DCST2: variants seen among roughly 807,000 people sequenced by gnomAD.
The protein encoded by DCST2 is DC-STAMP domain containing 2.
DCST2 carries 64 observed loss-of-function variants against 81.8 expected under a neutral mutation model. That is an observed-to-expected ratio of 0.78 (90% CI 0.64 to 0.96). The LOEUF (loss-of-function observed/expected upper bound fraction) is 0.96. Among genes scored for constraint, DCST2 ranks in the 40% least tolerant of loss-of-function variants. DCST2 has a pLI of 0.00. For synonymous variants in DCST2, 354 were observed against 402.6 expected (o/e 0.88, Z 1.44); for missense variants, 945 against 1,001.4 (o/e 0.94, Z 0.76).
At chr1:155,027,330 CCGAG>C (rs1659942967) in intron 8 of DCST2, among the ~76,000 whole-genome samples, 2 of 141,848 alleles carry the variant, frequency 1.4e-5, no homozygotes, top group South Asian at 5.1e-4. Flanking sequence ...GTGTGAGCCA[CCGAG>C]TAAGACCCCC....
At chr1:155,031,373 C>T (rs1660071454) in intron 4 of DCST2, 139 bp from the exon 5 acceptor site, 1 of 1,047,008 alleles carries the variant, frequency 9.6e-7, no homozygotes, top group African/African-American at 1.6e-5. Context: ...TGTAGCACCT[C>T]CCTGTCGCCC....
At position 155,023,190 on chromosome 1, in the gene DCST2, C is replaced by A. The variant is rs1400920992; in HGVS notation, c.2032G>T (p.Ala678Ser). 4 of 1,614,154 alleles carry A rather than the reference C, an allele frequency of 2.5e-6. No homozygotes were observed. Among genetic ancestry groups the A allele is most frequent in the Non-Finnish European group, 3.4e-6 (4 of 1,180,040 alleles). ...TGGAGCTGTTGCTGCAATAACCATG[C>A]CTGCTCAGGGTCCTTCCTTTGAGCT... Reference protein sequence around the residue: ...AAAQRKDPEQAWLLQQQLQEV... With the variant: ...AAAQRKDPEQSWLLQQQLQEV... The change falls in exon 14 of 15, where the codon GCA (alanine) becomes TCA (serine). Residue 678 changes from alanine to serine, a missense_variant. Transcript: ENST00000368424.
chr1:155,023,777 T>C (rs1659819328), intron 12 of DCST2, 55 bp downstream of exon 12: 3 of 1,608,346 alleles, frequency 1.9e-6, no homozygotes, highest in Admixed American at 3.4e-5. Context: ...TGGATTGTCA[T>C]ATGCAAGTGG....
rs1204629983 is a variant in DCST2, at chr1:155,026,358, A to G, written c.1555T>C (p.Tyr519His). ...LCFFITLFGS[Y>H]VSRLRRVICA... ...ATGACTCGCCGCAGCCGGCTGACATAGCTGCCAAACAGGGTGATGAAGAAG... is the reference window on the plus strand; with the variant it reads ...ATGACTCGCCGCAGCCGGCTGACATGGCTGCCAAACAGGGTGATGAAGAAG... Residue 519 changes from tyrosine to histidine, a missense_variant, in exon 10 of 15, where the codon TAT becomes CAT. Tyr to His is a moderately conservative substitution (Grantham distance 83, BLOSUM62 2). Coordinates refer to ENST00000368424, the MANE Select transcript of DCST2 (RefSeq NM_144622.3). 6.2e-7 allele frequency: 1 copy of G among 1,613,878 alleles called. No homozygotes were observed. The highest frequency in any genetic ancestry group is 1.7e-5 in the Admixed American group (1 of 60,026).
chr1:155,031,451 T>G, intron 4 of DCST2, 123 bp downstream of exon 4: 1 of 707,942 alleles, frequency 1.4e-6, no homozygotes, highest in Non-Finnish European at 2.2e-6. Flanking sequence ...ACCAAGCTTA[T>G]TGGTTCCTCT....
At chr1:155,032,629 A>ATT in intron 3 of DCST2, 38 bp downstream of exon 3, 12 of 1,593,860 alleles carry the variant, frequency 7.5e-6, no homozygotes, top group Non-Finnish European at 1.0e-5. Context: ...GACTGGGTGC[A>ATT]TTTTGAGTCC....
At position 155,033,535 on chromosome 1, in the gene DCST2, A is replaced by C; in HGVS notation, c.167T>G (p.Leu56Arg). 1 of 1,614,004 alleles carries C rather than the reference A, an allele frequency of 6.2e-7. No individual in the cohort carries two copies. Among genetic ancestry groups the C allele is most frequent in the Non-Finnish European group, 8.5e-7 (1 of 1,179,924 alleles). The stretch of plus-strand genomic sequence containing the variant: ...GGCAGCCAAAGTGAGGGTGCCCACC[A>C]GGCAACCCCAGGGGCTGTGGCCTTC... Reference protein sequence around the residue: ...LVEGHSPWGCLVGTLTLAAFL... With the variant: ...LVEGHSPWGCRVGTLTLAAFL... Residue 56 changes from leucine to arginine, a missense_variant, in exon 1 of 15, where the codon CTG (leucine) becomes CGG (arginine). By Grantham distance (102) the Leu-to-Arg change is moderately radical. Transcript: ENST00000368424.
intron 6 of DCST2, 22 bp from the exon 7 acceptor site, chr1:155,030,263 C>A: frequency 6.2e-7 from 1 of 1,613,834 alleles, no homozygotes; most frequent in East Asian, 2.2e-5. Flanking sequence ...AGGTGGAGCA[C>A]ATGTGAGGCC....
chr1:155,019,376 A>C (rs550595712), intron 14 of DCST2, among the ~76,000 whole-genome samples: 31 of 152,282 alleles, frequency 2.0e-4, no homozygotes, highest in Non-Finnish European at 4.0e-4. Flanking sequence ...ATGGTCCTGC[A>C]ACCTCGTCGC....
At chr1:155,021,424 A>G (rs964754581) in intron 14 of DCST2, among the ~76,000 whole-genome samples, 8 of 145,648 alleles carry the variant, frequency 5.5e-5, no homozygotes, top group African/African-American at 2.0e-4. Context: ...GGTGTGAGCC[A>G]CTGTGCCCAT....
chr1:155,020,153 G>A (rs1484645624), intron 14 of DCST2, among the ~76,000 whole-genome samples: 1 of 152,156 alleles, frequency 6.6e-6, no homozygotes. Context: ...CTTTTACACT[G>A]CCTAAATGCT....
At chr1:155,029,203 G>A (rs1659997318) in intron 8 of DCST2, 30 bp downstream of exon 8, 3 of 1,609,296 alleles carry the variant, frequency 1.9e-6, no homozygotes, top group African/African-American at 1.3e-5. Flanking sequence ...CAGTGGGTGA[G>A]TGGGAGGAGG....
intron 12 of DCST2, 137 bp from the exon 13 acceptor site, chr1:155,023,594 T>A: frequency 6.5e-7 from 1 of 1,546,330 alleles, no homozygotes; most frequent in East Asian, 2.4e-5. Context: ...ACTAGGGAGC[T>A]GCTGCAATGC....
chr1:155,021,430 C>T (rs978435253), intron 14 of DCST2, among the ~76,000 whole-genome samples: 13 of 142,984 alleles, frequency 9.1e-5, no homozygotes, highest in Admixed American at 8.1e-4. Flanking sequence ...AGCCACTGTG[C>T]CCATCCCCCT....
rs769077264 is a variant in DCST2 at position 155,032,733 on chromosome 1, T to A, written c.475A>T (p.Thr159Ser). ...CGGACCCGGTCAGCCACCTCTTTGG[T>A]CTTCCGGGCAATAGCTTTAATCTTG... ...LNKIKAIARKTKEVADRVRKF... is the reference protein window; with the variant it reads ...LNKIKAIARKSKEVADRVRKF... The change falls in exon 3 of 15, where the codon ACC becomes TCC. Residue 159 changes from threonine (T) to serine (S), a missense_variant. Coordinates refer to ENST00000368424, the MANE Select transcript of DCST2 (RefSeq NM_144622.3). 1.5e-5 allele frequency: 25 copies of A among 1,614,184 alleles called. No homozygotes were observed. The South Asian group carries it at 1.8e-4, about 11-fold the overall frequency.
intron 8 of DCST2, among the ~76,000 whole-genome samples, chr1:155,027,051 G>T (rs1161809323): frequency 6.6e-6 from 1 of 151,176 alleles, no homozygotes; most frequent in Non-Finnish European, 1.5e-5. Context: ...TTTATTTTTT[G>T]AGACAGGGTT....
intron 14 of DCST2, among the ~76,000 whole-genome samples, chr1:155,019,635 C>T (rs1467775019): frequency 6.6e-6 from 1 of 152,210 alleles, no homozygotes; most frequent in Non-Finnish European, 1.5e-5. Flanking sequence ...GGGCCTTAGC[C>T]CCTCCTCTTC....
rs762173972 is a variant in DCST2 at position 155,030,449 on chromosome 1, A to G, written c.1002T>C (p.Leu334=). ...CCCCTCACTGGAGGTAGAGAAGCAC[A>G]AGCAGCAGAGGCGTGGTGAAGCCCA... ...ALMGFTTPLL[L]VLLYLQALFY... is the part of the protein sequence containing the mutation. The change falls in exon 6 of 15, where the codon CTT becomes CTC. Residue 334 remains leucine (L), a synonymous_variant. Transcript: ENST00000368424. 3 of 1,613,734 alleles carry G rather than the reference A, an allele frequency of 1.9e-6. No individual in the cohort carries two copies. In the South Asian group the frequency reaches 3.3e-5, roughly 18 times the overall value.
chr1:155,027,554 C>CTTTTTTTTTTT (rs779621299), intron 8 of DCST2, among the ~76,000 whole-genome samples: 2 of 64,020 alleles, frequency 3.1e-5, no homozygotes, highest in African/African-American at 6.6e-5. Flanking sequence ...TTTTTTACTT[C>CTTTTTTTTTTT]TTTTTTTTTT....
Sources: allele counts gnomAD v4.1 joint callset (sites outside exome capture counted in the v4.1 genomes callset), GRCh38; gene constraint gnomAD v4.1.1; transcripts MANE v1.5; gene names NCBI Gene and HGNC (gene_info 2026-07-23, HGNC 2026-07-21).